Variants in FLT4 observed in about 807,000 individuals in gnomAD.
FLT4 encodes the protein fms related receptor tyrosine kinase 4, also known as vascular endothelial growth factor receptor 3.
FLT4 carries 30 observed loss-of-function variants against 163.2 expected under a neutral mutation model. That is an observed-to-expected ratio of 0.18 (90% CI 0.14 to 0.25). The LOEUF (loss-of-function observed/expected upper bound fraction) is 0.25. Ranked by LOEUF, FLT4 falls within the 10% of genes least tolerant of loss-of-function variation. FLT4 has a pLI of 1.00. For synonymous variants in FLT4, 884 were observed against 789.5 expected, an observed-to-expected ratio of 1.12 and a Z score of -2.01; for missense variants, 1,510 against 1,863.8, an observed-to-expected ratio of 0.81 and a Z score of 3.50.
chr5:180,620,706 T>A lies in FLT4; in HGVS notation c.2309A>T (p.Asp770Val). The A allele has an allele frequency of 6.2e-7, 1 of 1,613,264 alleles. No individual in the cohort carries two copies. The highest frequency in any genetic ancestry group is 8.5e-7 in the Non-Finnish European group (1 of 1,179,886). The change falls in exon 16 of 30, where the codon GAT becomes GTT. Residue 770 changes from aspartate (D) to valine (V), a missense_variant. Asp to Val is a radical substitution (Grantham distance 152). This residue lies in a region of FLT4 where 878 missense variants were observed against 1,016.7 expected (regional missense o/e 0.86). Coordinates refer to ENST00000261937, the MANE Select transcript of FLT4 (RefSeq NM_182925.5). This position sits in a 1 kb window ranked among gnomAD's most constrained non-coding sequence, Gnocchi z 4.4. ...SASVAVEGSE[D>V]KGSMEIVILV... ...GATCACGATCTCCATGCTGCCCTTA[T>A]CCTCGGAGCCTGCGTGGGCAGAAAG...
In FLT4 at chr5:180,609,065, G is replaced by C; in HGVS notation, c.3808-12C>G. The C allele has an allele frequency of 6.2e-7, 1 of 1,613,336 alleles. No homozygotes were observed. The highest frequency in any genetic ancestry group is 1.1e-5 in the South Asian group (1 of 91,072). ...TCTGTCTGGTTGTCCTGTGTGGAGA[G>C]GACAAGCCAGGCTGTGGGTCCCGCC... On this transcript the variant is annotated splice_polypyrimidine_tract_variant and intron_variant, in intron 28 of 29. Transcript: ENST00000261937.
intron 1 of FLT4, among the ~76,000 whole-genome samples, chr5:180,644,022 G>A (rs1170328063): frequency 2.6e-5 from 4 of 152,136 alleles, no homozygotes; most frequent in East Asian, 1.9e-4. Context: ...GGGTTTCACC[G>A]TGTTGGCCAG....
chr5:180,613,990 C>A, intron 24 of FLT4, 78 bp downstream of exon 24: 1 of 1,015,958 alleles, frequency 9.8e-7, no homozygotes, highest in South Asian at 1.3e-5. Flanking sequence ...CAGTCCCTTA[C>A]TCCAGCAGGG....
At chr5:180,609,125 G>T in intron 28 of FLT4, 72 bp from the exon 29 acceptor site, 2 of 1,300,170 alleles carry the variant, frequency 1.5e-6, no homozygotes. Context: ...CCCCCAGCCA[G>T]GAAAGTGCGG....
chr5:180,620,772 G>A lies in FLT4; in HGVS notation c.2300-57C>T, dbSNP rs2127812600. On this transcript the variant is annotated intron_variant, in intron 15 of 29. Coordinates refer to ENST00000261937, the MANE Select transcript of FLT4 (RefSeq NM_182925.5). The surrounding 1 kb of genome is among the most constrained non-coding windows in gnomAD (Gnocchi z 4.4). ...TGTGTGTGTGTAAGAGCGTGCACCT[G>A]CAGGCAGCACCCCTTCTGGTGGCCA... The A allele has an allele frequency of 6.3e-7, 1 of 1,594,390 alleles. No homozygotes were observed. The highest frequency in any genetic ancestry group is 8.6e-7 in the Non-Finnish European group (1 of 1,164,454).
At chr5:180,619,521 T>G (rs370939873) in intron 18 of FLT4, 144 bp downstream of exon 18, 1 of 973,402 alleles carries the variant, frequency 1.0e-6, no homozygotes, top group South Asian at 1.3e-5. Flanking sequence ...CCCTCGGCTC[T>G]GAAGCCCGCA....
chr5:180,613,299 C>T (rs1762356457), intron 24 of FLT4, 189 bp from the exon 25 acceptor site: 2 of 549,254 alleles, frequency 3.6e-6, no homozygotes, highest in Non-Finnish European at 6.4e-6. Flanking sequence ...CGCTGCCCTC[C>T]CCAGCTCTAG....
intron 8 of FLT4, 42 bp downstream of exon 8, chr5:180,628,840 G>T: frequency 1.4e-6 from 2 of 1,392,014 alleles, no homozygotes; most frequent in Non-Finnish European, 2.0e-6. Context: ...CCCTGGACTT[G>T]GAAGGGTATC....
chr5:180,609,133 C>A, intron 28 of FLT4, 80 bp from the exon 29 acceptor site: 2 of 1,193,524 alleles, frequency 1.7e-6, no homozygotes, highest in Non-Finnish European at 2.5e-6. Context: ...CAGGAAAGTG[C>A]GGCATGGTCC....
chr5:180,606,639 T>A (rs11955717), intron 29 of FLT4, among the ~76,000 whole-genome samples: 1 of 152,080 alleles, frequency 6.6e-6, no homozygotes, highest in Non-Finnish European at 1.5e-5. Flanking sequence ...TCATTCTCTG[T>A]GACACCTTTT....
intron 1 of FLT4, among the ~76,000 whole-genome samples, chr5:180,638,633 T>C (rs1581703160): frequency 6.6e-6 from 1 of 152,190 alleles, no homozygotes; most frequent in Non-Finnish European, 1.5e-5. Context: ...TGTCCCTGTC[T>C]CCACACCCTC....
chr5:180,646,691 G>A (rs1042779138), intron 1 of FLT4, among the ~76,000 whole-genome samples: 2 of 152,194 alleles, frequency 1.3e-5, no homozygotes, highest in African/African-American at 4.8e-5. Flanking sequence ...ACCCCTGTGC[G>A]ATGGGGCCAG....
Position 180,602,772 on chromosome 5 carries a change from T to C in FLT4, c.*420A>G. 1 of 482,522 alleles carries C rather than the reference T, an allele frequency of 2.1e-6. No individual in the cohort carries two copies. Among genetic ancestry groups the C allele is most frequent in the Non-Finnish European group, 3.6e-6 (1 of 275,412 alleles). The allele number at this position is 482,522 out of a possible 1,614,324, so 29.9% of individuals were successfully genotyped here. Reference sequence around the variant, plus strand: ...AGGAGGAAAGGGCGTTTGGGAGACCTCTGCTCTCGTATGCCTTAACCTCCA... The same window carrying C: ...AGGAGGAAAGGGCGTTTGGGAGACCCCTGCTCTCGTATGCCTTAACCTCCA... On this transcript the variant is annotated 3_prime_UTR_variant, in exon 30 of 30. Transcript: ENST00000261937.
Position 180,621,758 on chromosome 5 carries a change from G to A in FLT4, c.1804C>T (p.His602Tyr), listed in dbSNP as rs754621734. Residue 602 changes from histidine to tyrosine, a missense_variant, in exon 13 of 30, where the codon CAC becomes TAC. Coordinates refer to ENST00000261937, the MANE Select transcript of FLT4 (RefSeq NM_182925.5). The part of the protein sequence containing the change: ...RLNLSTLHDA[H>Y]GNPLLLDCKN... The stretch of plus-strand genomic sequence containing the variant: ...CAGTCGAGCAGAAGCGGGTTCCCGT[G>A]CGCATCGTGCAGCGTGGACAGGTTG... 4.3e-6 allele frequency: 7 copies of A among 1,613,086 alleles called. No homozygotes were observed. The Admixed American group carries it at 1.2e-4, about 27-fold the overall frequency.
At chr5:180,631,072 G>A (rs1259603268) in intron 2 of FLT4, among the ~76,000 whole-genome samples, 1 of 152,114 alleles carries the variant, frequency 6.6e-6, no homozygotes, top group Non-Finnish European at 1.5e-5. Flanking sequence ...GGCCCCAGTG[G>A]GTGCTCCCAG....
At position 180,611,345 on chromosome 5, in the gene FLT4, G is replaced by C. The variant is rs752831891; in HGVS notation, c.3672C>G (p.His1224Gln). Residue 1224 changes from histidine to glutamine, a missense_variant, in exon 27 of 30, where the codon CAC becomes CAG. By Grantham distance (24) the His-to-Gln change is conservative. Coordinates refer to ENST00000261937, the MANE Select transcript of FLT4 (RefSeq NM_182925.5). ...GGACAGCTGACCTGGCGGCCAGGCT[G>C]TGGCGCTGCAGGCTTGGCGGGCTGT... ...AEDSPPSLQR[H>Q]SLAARYYNWV... The C allele has an allele frequency of 1.2e-6, 2 of 1,613,942 alleles. No homozygotes were observed. Among genetic ancestry groups the C allele is most frequent in the South Asian group, 1.1e-5 (1 of 91,088 alleles).
chr5:180,608,928 C>T (rs2127787394), intron 29 of FLT4, 40 bp downstream of exon 29: 2 of 1,540,942 alleles, frequency 1.3e-6, no homozygotes, highest in Middle Eastern at 1.7e-4. Context: ...GGGAGGGCAA[C>T]ATCGATACCT....
At chr5:180,621,473 C>G (rs114195364) in intron 13 of FLT4, 69 bp downstream of exon 13, 2 of 1,582,892 alleles carry the variant, frequency 1.3e-6, no homozygotes, top group Non-Finnish European at 1.7e-6. Context: ...CGAGCCACGC[C>G]GGGGCAAAGG....
chr5:180,645,414 G>A (rs1181655713), intron 1 of FLT4, among the ~76,000 whole-genome samples: 2 of 152,246 alleles, frequency 1.3e-5, no homozygotes, highest in Admixed American at 6.5e-5. Context: ...CCGGCAGGAC[G>A]AGCGGCGTTA....
Sources: allele counts gnomAD v4.1 joint callset (sites outside exome capture counted in the v4.1 genomes callset), GRCh38; gene constraint gnomAD v4.1.1; regional missense constraint gnomAD v4.1.1; non-coding constraint Gnocchi (gnomAD v3.1); transcripts MANE v1.5; gene names NCBI Gene and HGNC (gene_info 2026-07-23, HGNC 2026-07-21).